TYW1B: variants seen among roughly 807,000 people sequenced by gnomAD.
TYW1B encodes the protein tRNA-yW synthesizing protein 1 homolog B, also known as S-adenosyl-L-methionine-dependent tRNA 4-demethylwyosine synthase TYW1B.
In TYW1B, 73 loss-of-function variants were observed where a neutral mutation model predicts 86.9. That is an observed-to-expected ratio of 0.84 (90% confidence interval 0.70 to 1.02). TYW1B has a LOEUF of 1.02. Among genes scored for constraint, TYW1B ranks in the 50% least tolerant of loss-of-function variants. The probability of loss-of-function intolerance (pLI) is 0.00; values close to 1 mark genes in which losing one functional copy is unlikely to be tolerated. For synonymous variants in TYW1B, 248 were observed against 292.8 expected, an observed-to-expected ratio of 0.85 and a Z score of 1.56; for missense variants, 637 against 827.4, an observed-to-expected ratio of 0.77 and a Z score of 2.82.
rs375179096 is a variant in TYW1B at position 72,735,211 on chromosome 7, G to A, written c.1083-6280C>T. The stretch of plus-strand genomic sequence containing the variant: ...AGATACAGAACCAACCTAAGTGTCC[G>A]TCAGCAGATAAATGGATAAAGGAAA... On this transcript the variant is annotated intron_variant, in intron 8 of 13. Transcript: ENST00000620995. Among the ~76,000 whole-genome samples the A allele has an allele frequency of 1.8e-4, 28 of 152,272 alleles. 1 individual carries two copies. The East Asian group carries it at 2.9e-3, about 16-fold the overall frequency.
rs561981896 is a variant in TYW1B, at chr7:72,700,578, T to TC, written c.1371-5757dup. On this transcript the variant is annotated intron_variant, in intron 10 of 13. Coordinates refer to ENST00000620995, the MANE Select transcript of TYW1B (RefSeq NM_001145440.3). ...TTTAATTTCCACATATTTGTGAATTTCCCAAATTCTAGTTTGTGAAGTTCT... is the reference window on the plus strand; with the variant it reads ...TTTAATTTCCACATATTTGTGAATTTCCCCAAATTCTAGTTTGTGAAGTTCT... Among the ~76,000 whole-genome samples the TC allele has an allele frequency of 1.1e-3, 174 of 152,318 alleles. 1 individual carries two copies. The highest frequency in any genetic ancestry group is 2.2e-3 in the Non-Finnish European group (147 of 68,024).
At chr7:72,788,556 G>A (rs577491058) in intron 6 of TYW1B, among the ~76,000 whole-genome samples, 4 of 152,140 alleles carry the variant, frequency 2.6e-5, no homozygotes, top group South Asian at 4.2e-4. Flanking sequence ...TTTTGAGATG[G>A]GAGTCTTGCT....
intron 13 of TYW1B, among the ~76,000 whole-genome samples, chr7:72,592,179 A>AAAAAAAC (rs1811412942): frequency 6.8e-6 from 1 of 147,180 alleles, no homozygotes; most frequent in African/African-American, 2.5e-5. Context: ...AAAAAAAAAA[A>AAAAAAAC]AAAAAAGACA....
intron 11 of TYW1B, among the ~76,000 whole-genome samples, chr7:72,652,377 GAAAAAAAAAA>G (rs1169791430): frequency 3.8e-3 from 119 of 31,300 alleles, no homozygotes; most frequent in Non-Finnish European, 6.1e-3. Flanking sequence ...GACTCTGTCT[GAAAAAAAAAA>G]AAAAAAAAAA....
intron 10 of TYW1B, among the ~76,000 whole-genome samples, chr7:72,696,042 G>C (rs1432887801): frequency 2.7e-4 from 41 of 151,274 alleles, no homozygotes; most frequent in Admixed American, 1.8e-3. Flanking sequence ...TCTGCCTCCA[G>C]GCTCAAGTGA....
intron 11 of TYW1B, among the ~76,000 whole-genome samples, chr7:72,642,791 C>T (rs1251626757): frequency 3.9e-5 from 6 of 152,142 alleles, no homozygotes; most frequent in Non-Finnish European, 8.8e-5. Flanking sequence ...GTCCCAGCTA[C>T]TCAGGAGGCT....
chr7:72,791,940 G>A lies in TYW1B; in HGVS notation c.846+10460C>T, dbSNP rs190793309. Among the ~76,000 whole-genome samples, 78 of 152,228 alleles carry A rather than the reference G, an allele frequency of 5.1e-4. 1 individual carries two copies. Reference sequence around the variant, plus strand: ...ATTATCAACCTGAGGATGGTCTAAGGACCGCAACAAATCTGTAGCTGGTGT... The same window carrying A: ...ATTATCAACCTGAGGATGGTCTAAGAACCGCAACAAATCTGTAGCTGGTGT... On this transcript the variant is annotated intron_variant, in intron 6 of 13. Transcript: ENST00000620995.
chr7:72,713,361 C>T (rs1198509168), intron 10 of TYW1B, among the ~76,000 whole-genome samples: 2 of 150,672 alleles, frequency 1.3e-5, no homozygotes, highest in Non-Finnish European at 2.9e-5. Flanking sequence ...TTTACCCTGC[C>T]TCTCCCATTT....
chr7:72,638,555 A>G (rs1812725566), intron 11 of TYW1B, among the ~76,000 whole-genome samples: 1 of 152,190 alleles, frequency 6.6e-6, no homozygotes. Context: ...CTAACATCAT[A>G]CTTAATGGCA....
At position 72,814,013 on chromosome 7, in the gene TYW1B, T is replaced by TAAA. The variant is rs72093914; in HGVS notation, c.237+1364_237+1366dup. Among the ~76,000 whole-genome samples, 18 of 132,448 alleles carry TAAA rather than the reference T, an allele frequency of 1.4e-4. No individual in the cohort carries two copies. In the Admixed American group the frequency reaches 1.4e-3, roughly 10 times the overall value. The allele number at this position is 132,448 out of a possible 152,430, so 86.9% of individuals were successfully genotyped here. A position where few individuals can be genotyped will look rare whatever the true frequency, so the allele number is the denominator to read the frequency against. On this transcript the variant is annotated intron_variant, in intron 3 of 13. Coordinates refer to ENST00000620995, the MANE Select transcript of TYW1B (RefSeq NM_001145440.3). ...CTGGGCAACAAGAGCAAAACTCCAT[T>TAAA]AAAAAAAAAAAAAAAAGATATTAAC...
rs150060503 is a variant in TYW1B at position 72,817,113 on chromosome 7, G to A, written c.136-1632C>T. 4.4e-3 allele frequency among the ~76,000 whole-genome samples: 669 copies of A among 152,146 alleles called. 5 individuals are homozygous for A. Among genetic ancestry groups the A allele is most frequent in the Admixed American group, 7.7e-3 (117 of 15,260 alleles). On this transcript the variant is annotated intron_variant, in intron 2 of 13. Coordinates refer to ENST00000620995, the MANE Select transcript of TYW1B (RefSeq NM_001145440.3). ...AAGCATGAGAACTGGTATAGAAAAA[G>A]GACAGGTTGGCCGGGCGTGGTGGCT...
At chr7:72,670,118 G>T (rs1813562780) in intron 11 of TYW1B, among the ~76,000 whole-genome samples, 1 of 152,148 alleles carries the variant, frequency 6.6e-6, no homozygotes, top group Admixed American at 6.6e-5. Flanking sequence ...GTGACAGAAT[G>T]AATCCCTGTC....
intron 12 of TYW1B, among the ~76,000 whole-genome samples, chr7:72,618,227 A>ATTTTTTTTTTTT (rs869158136): frequency 1.3e-4 from 13 of 103,940 alleles, no homozygotes; most frequent in East Asian, 6.5e-4. Context: ...ATGACACTGA[A>ATTTTTTTTTTTT]TTTTTTTTTT....
intron 13 of TYW1B, among the ~76,000 whole-genome samples, chr7:72,593,754 G>A (rs1416909392): frequency 2.7e-5 from 4 of 149,558 alleles, no homozygotes; most frequent in African/African-American, 4.9e-5. Context: ...CCCGGGAGGC[G>A]GAGCTTGCAG....
At chr7:72,796,587 CT>C (rs60861591) in intron 6 of TYW1B, among the ~76,000 whole-genome samples, 8,480 of 151,744 alleles carry the variant, frequency 0.056, 544 homozygotes, top group East Asian at 0.33. Flanking sequence ...GTTCATTAAT[CT>C]TTTTGAAGCT....
At chr7:72,620,078 A>G (rs1166711018) in intron 12 of TYW1B, among the ~76,000 whole-genome samples, 1 of 152,126 alleles carries the variant, frequency 6.6e-6, no homozygotes, top group African/African-American at 2.4e-5. Context: ...TTTTCACATA[A>G]AAGTTCTCAT....
At chr7:72,671,139 T>C (rs1369986647) in intron 11 of TYW1B, among the ~76,000 whole-genome samples, 1 of 152,148 alleles carries the variant, frequency 6.6e-6, no homozygotes, top group East Asian at 1.9e-4. Flanking sequence ...TAAACACTTA[T>C]AGGCTATTTT....
At chr7:72,721,367 T>A (rs1295954803) in intron 9 of TYW1B, among the ~76,000 whole-genome samples, 1 of 152,148 alleles carries the variant, frequency 6.6e-6, no homozygotes, top group South Asian at 2.1e-4. Flanking sequence ...CCATCAACGG[T>A]GTAAAAGTGT....
At chr7:72,770,440 AAAAAAAG>A (rs1386280468) in intron 7 of TYW1B, among the ~76,000 whole-genome samples, 11 of 150,710 alleles carry the variant, frequency 7.3e-5, no homozygotes, top group African/African-American at 2.7e-4. Context: ...AAAAAAAAAA[AAAAAAAG>A]AAAAAAGAAA....
Sources: gnomAD v4.1 joint callset for allele counts (sites outside exome capture counted in the v4.1 genomes callset) on GRCh38, gnomAD v4.1.1 for gene constraint, MANE v1.5 for transcripts, NCBI Gene and HGNC (gene_info 2026-07-23, HGNC 2026-07-21) for gene names.